SLTM: variants seen among roughly 807,000 people sequenced by gnomAD.
SLTM encodes SAFB-like transcription modulator.
SLTM carries 43 observed loss-of-function variants against 134.6 expected under a neutral mutation model. The observed-to-expected ratio is 0.32, with a 90% CI of 0.25 to 0.41. The LOEUF is 0.41. Ranked by LOEUF, SLTM falls within the 10% of genes least tolerant of loss-of-function variation. The probability of loss-of-function intolerance (pLI) is 1.00; values close to 1 mark genes in which losing one functional copy is unlikely to be tolerated. For missense variants in SLTM, 1,055 were observed against 1,288.8 expected (o/e 0.82, Z 2.78); for synonymous variants, 424 against 432.3 (o/e 0.98, Z 0.24).
At chr15:58,909,942 G>C (rs2036140391) in intron 5 of SLTM, among the ~76,000 whole-genome samples, 1 of 152,178 alleles carries the variant, frequency 6.6e-6, no homozygotes, top group Non-Finnish European at 1.5e-5. Flanking sequence ...GAGGAAAACA[G>C]ATGGAAGGGA....
chr15:58,929,399 G>C (rs1328883337), intron 2 of SLTM, among the ~76,000 whole-genome samples: 3 of 150,928 alleles, frequency 2.0e-5, no homozygotes, highest in Admixed American at 2.0e-4. Flanking sequence ...AGTGAGCCGA[G>C]ATCACACCAT....
chr15:58,925,537 C>G (rs2037396759), intron 2 of SLTM, among the ~76,000 whole-genome samples: 1 of 152,074 alleles, frequency 6.6e-6, no homozygotes, highest in African/African-American at 2.4e-5. Context: ...GGGGTTTCAC[C>G]ATGTTGGCCA....
At chr15:58,921,607 T>C (rs1240004935) in intron 2 of SLTM, 1 of 441,456 alleles carries the variant, frequency 2.3e-6, no homozygotes, top group Non-Finnish European at 4.6e-6. Flanking sequence ...TAGGACAAGA[T>C]TGTCAAACAG....
Position 58,894,027 on chromosome 15 carries a change from T to C in SLTM, c.1482-40A>G, listed in dbSNP as rs201392400. 2.4e-4 allele frequency: 377 copies of C among 1,602,702 alleles called. 2 individuals carry two copies. In the African/African-American group the frequency reaches 4.6e-3, roughly 19 times the overall value. On this transcript the variant is annotated intron_variant, in intron 11 of 20. Transcript: ENST00000380516. Reference sequence around the variant, plus strand: ...CCAGACAAAAAAACAGAATGAGTACTTCATAATGTACCAAAAAAGTCTATC... The same window carrying C: ...CCAGACAAAAAAACAGAATGAGTACCTCATAATGTACCAAAAAAGTCTATC...
chr15:58,892,816 A>G (rs1374569863), intron 14 of SLTM, 81 bp downstream of exon 14: 1 of 1,429,132 alleles, frequency 7.0e-7, no homozygotes, highest in African/African-American at 1.5e-5. Context: ...TGGGAATACA[A>G]TTTCCAGAAA....
At chr15:58,920,254 GAGGTTGCGGT>G (rs755679013) in intron 2 of SLTM, among the ~76,000 whole-genome samples, 1 of 151,808 alleles carries the variant, frequency 6.6e-6, no homozygotes, top group Admixed American at 6.6e-5. Context: ...CGGGGAAGTG[GAGGTTGCGGT>G]AAGCTGAGAT....
chr15:58,912,529 A>G (rs767425677), intron 5 of SLTM, 34 bp downstream of exon 5: 1 of 1,579,468 alleles, frequency 6.3e-7, no homozygotes, highest in South Asian at 1.1e-5. Context: ...GTCCACCCAC[A>G]ATATCGAATT....
intron 5 of SLTM, among the ~76,000 whole-genome samples, chr15:58,904,347 G>T (rs1348700062): frequency 1.3e-5 from 2 of 152,038 alleles, no homozygotes; most frequent in Non-Finnish European, 2.9e-5. Context: ...ATTAATAAAT[G>T]ATATTTGGAC....
chr15:58,913,627 A>G lies in SLTM; in HGVS notation c.385T>C (p.Phe129Leu). Residue 129 changes from phenylalanine (F) to leucine (L), a missense_variant, in exon 4 of 21, where the codon TTT becomes CTT. Phe to Leu is a conservative substitution (Grantham distance 22, BLOSUM62 0). Transcript: ENST00000380516. Reference protein sequence around the residue: ...GNDELKDSEEFGENEEENVHS... With the variant: ...GNDELKDSEELGENEEENVHS... The stretch of plus-strand genomic sequence containing the variant: ...ACATTTTCTTCTTCATTTTCACCAA[A>G]TTCTTCAGAGTCCTTTAGTTCATCA... 6.2e-7 allele frequency: 1 copy of G among 1,613,612 alleles called. No homozygotes were observed. The highest frequency in any genetic ancestry group is 8.5e-7 in the Non-Finnish European group (1 of 1,179,832).
chr15:58,907,112 T>C (rs1168233293), intron 5 of SLTM, among the ~76,000 whole-genome samples: 1 of 152,140 alleles, frequency 6.6e-6, no homozygotes, highest in African/African-American at 2.4e-5. Context: ...TCTCTGTGAA[T>C]AGTAAAGCAC....
intron 5 of SLTM, 96 bp from the exon 6 acceptor site, chr15:58,901,383 T>C: frequency 1.0e-6 from 1 of 972,704 alleles, no homozygotes; most frequent in Non-Finnish European, 1.6e-6. Flanking sequence ...TGGTGGATAA[T>C]TTAATGATAT....
chr15:58,884,784 C>T (rs2034047442), intron 19 of SLTM, among the ~76,000 whole-genome samples: 1 of 152,070 alleles, frequency 6.6e-6, no homozygotes. Flanking sequence ...GGGTGCACAC[C>T]ACCATGCCCA....
At chr15:58,903,791 C>T (rs2035667277) in intron 5 of SLTM, among the ~76,000 whole-genome samples, 2 of 151,786 alleles carry the variant, frequency 1.3e-5, no homozygotes, top group African/African-American at 2.4e-5. Flanking sequence ...AAACACTGAG[C>T]ATTGCTGCCT....
chr15:58,932,182 T>C, intron 2 of SLTM, 174 bp downstream of exon 2: 1 of 576,714 alleles, frequency 1.7e-6, no homozygotes. Context: ...TCTTAAGGGC[T>C]ACAAGTCACC....
rs1163091762 is a variant in SLTM at position 58,887,218 on chromosome 15, A to C, written c.2690+8T>G. On this transcript the variant is annotated splice_region_variant and intron_variant, in intron 18 of 20. Coordinates refer to ENST00000380516, the MANE Select transcript of SLTM (RefSeq NM_024755.4). ...CCACTAGGAAAGCATTACATAGTAC[A>C]CAGCTACCTTGTTTCCCGTTTGTCA... 1 of 1,613,272 alleles carries C rather than the reference A, an allele frequency of 6.2e-7. No homozygotes were observed. The highest frequency in any genetic ancestry group is 1.3e-5 in the African/African-American group (1 of 74,898).
intron 2 of SLTM, among the ~76,000 whole-genome samples, chr15:58,917,704 T>C (rs2036743664): frequency 6.6e-6 from 1 of 152,184 alleles, no homozygotes; most frequent in Non-Finnish European, 1.5e-5. Context: ...TCTTTGCCCA[T>C]CTTCAAAACT....
intron 1 of SLTM, among the ~76,000 whole-genome samples, chr15:58,932,745 G>C (rs1228700117): frequency 6.6e-6 from 1 of 152,218 alleles, no homozygotes; most frequent in African/African-American, 2.4e-5. Context: ...AAAGTTGCTA[G>C]CTACTAAAGT....
chr15:58,891,901 G>A lies in SLTM; in HGVS notation c.1898+996C>T, dbSNP rs74017306. On this transcript the variant is annotated intron_variant, in intron 14 of 20. Coordinates refer to ENST00000380516, the MANE Select transcript of SLTM (RefSeq NM_024755.4). ...GGGAATTTGGTCACATAGGGTTTGA[G>A]AATCACTGGTCTAGTTGCTCCTCAA... Among the ~76,000 whole-genome samples, 558 of 152,138 alleles carry A rather than the reference G, an allele frequency of 3.7e-3. 3 individuals are homozygous for A. The highest frequency in any genetic ancestry group is 0.013 in the African/African-American group (527 of 41,504).
chr15:58,912,100 G>GTTTT (rs796282134), intron 5 of SLTM, among the ~76,000 whole-genome samples: 3 of 137,636 alleles, frequency 2.2e-5, no homozygotes, highest in Non-Finnish European at 1.6e-5. Flanking sequence ...GCTGCCAATA[G>GTTTT]TTTTTTTTTT....
Sources: allele counts gnomAD v4.1 joint callset (sites outside exome capture counted in the v4.1 genomes callset), GRCh38; gene constraint gnomAD v4.1.1; transcripts MANE v1.5; gene names NCBI Gene and HGNC (gene_info 2026-07-23, HGNC 2026-07-21).